The following SCMH1 variants were observed in gnomAD, a reference collection of about 807,000 sequenced individuals.
SCMH1 encodes the protein Scm polycomb group protein homolog 1, also known as polycomb protein SCMH1.
Under a neutral mutation model 70.8 loss-of-function variants are expected in SCMH1, and 37 were observed. That is an observed-to-expected ratio of 0.52 (90% confidence interval 0.40 to 0.69). SCMH1 has a LOEUF of 0.69. Ranked by LOEUF, SCMH1 falls within the 30% of genes least tolerant of loss-of-function variation. The pLI, the probability that SCMH1 is intolerant of heterozygous loss-of-function variation, is 0.00. For synonymous variants in SCMH1, 292 were observed against 307.4 expected (o/e 0.95, Z 0.52); for missense variants, 607 against 827.3 (o/e 0.73, Z 3.27).
rs528857157 is a variant in SCMH1 at position 41,120,019 on chromosome 1, G to A, written c.413-3009C>T. Among the ~76,000 whole-genome samples, 25 of 152,322 alleles carry A rather than the reference G, an allele frequency of 1.6e-4. No individual in the cohort carries two copies. The East Asian group carries it at 4.4e-3, about 27-fold the overall frequency. The stretch of plus-strand genomic sequence containing the variant: ...GCTGAAGCAAGCCAAACCCAGAGCA[G>A]CTTTGCCATGAGTGGTTTGGTACAC... On this transcript the variant is annotated intron_variant, in intron 6 of 14. Coordinates refer to ENST00000337495, the Ensembl canonical transcript of SCMH1.
At chr1:41,029,299 G>GC (rs1189593292) in intron 13 of SCMH1, among the ~76,000 whole-genome samples, 4 of 152,174 alleles carry the variant, frequency 2.6e-5, no homozygotes, top group African/African-American at 9.7e-5. Flanking sequence ...TGCAACTTCT[G>GC]CCTCCCAGGT....
intron 2 of SCMH1, among the ~76,000 whole-genome samples, chr1:41,176,323 G>A (rs993763225): frequency 1.3e-5 from 2 of 152,174 alleles, no homozygotes; most frequent in African/African-American, 4.8e-5. Flanking sequence ...CCCAGCATGA[G>A]CGACACAGAA....
upstream of SCMH1, chr1:41,242,219 A>C (rs1196619236): frequency 1.7e-5 from 1 of 58,602 alleles, no homozygotes; most frequent in South Asian, 5.7e-4. This position sits in a 1 kb window ranked among gnomAD's most constrained non-coding sequence, Gnocchi z 5.2. Context: ...GTGGCGGCTG[A>C]GGCGGGGGGC....
chr1:41,129,971 T>C (rs1352949605), intron 6 of SCMH1, among the ~76,000 whole-genome samples: 1 of 152,174 alleles, frequency 6.6e-6, no homozygotes, highest in Non-Finnish European at 1.5e-5. Context: ...TTCCCATTTC[T>C]CCACATCCTC....
chr1:41,069,428 CAG>C (rs1026013865), intron 10 of SCMH1, among the ~76,000 whole-genome samples: 6 of 152,246 alleles, frequency 3.9e-5, no homozygotes, highest in Admixed American at 1.3e-4. Context: ...TAGTAATTGA[CAG>C]GGGGATACGA....
intron 2 of SCMH1, among the ~76,000 whole-genome samples, chr1:41,171,735 A>G (rs1646795711): frequency 6.6e-6 from 1 of 152,194 alleles, no homozygotes; most frequent in Admixed American, 6.5e-5. Context: ...ACCAATAACA[A>G]GAGGAACTTT....
intron 10 of SCMH1, among the ~76,000 whole-genome samples, chr1:41,049,192 A>C (rs928841575): frequency 1.3e-5 from 2 of 152,062 alleles, no homozygotes; most frequent in African/African-American, 4.8e-5. Flanking sequence ...AAATCTAGAC[A>C]ATTCCCCTCT....
intron 1 of SCMH1, among the ~76,000 whole-genome samples, chr1:41,237,905 G>A (rs569770952): frequency 6.6e-6 from 1 of 152,228 alleles, no homozygotes; most frequent in East Asian, 1.9e-4. Context: ...AGCTAGCAGA[G>A]CATAAGCCCC....
chr1:41,214,368 A>G (rs1328732481), intron 1 of SCMH1, among the ~76,000 whole-genome samples: 2 of 152,148 alleles, frequency 1.3e-5, no homozygotes, highest in African/African-American at 4.8e-5. Flanking sequence ...TACAAAATAT[A>G]AATAACTTAA....
At chr1:41,053,511 G>A (rs1256761333) in intron 10 of SCMH1, among the ~76,000 whole-genome samples, 1 of 152,210 alleles carries the variant, frequency 6.6e-6, no homozygotes, top group African/African-American at 2.4e-5. Flanking sequence ...AGAACGAGCT[G>A]GTTGGCCATG....
At chr1:41,108,567 G>A (rs948395692) in intron 8 of SCMH1, among the ~76,000 whole-genome samples, 2 of 152,184 alleles carry the variant, frequency 1.3e-5, no homozygotes, top group Admixed American at 6.5e-5. Context: ...TTATAACCAA[G>A]TACTCTGGAT....
chr1:41,240,344 G>A, intron 1 of SCMH1, among the ~76,000 whole-genome samples: 1 of 152,190 alleles, frequency 6.6e-6, no homozygotes, highest in East Asian at 1.9e-4. Context: ...TCTCTACTGG[G>A]CTTAAAACAT....
chr1:41,235,237 T>C (rs937639925), intron 1 of SCMH1, among the ~76,000 whole-genome samples: 1 of 152,162 alleles, frequency 6.6e-6, no homozygotes, highest in Non-Finnish European at 1.5e-5. Context: ...CACCCTAATA[T>C]TAGTATTTCT....
At chr1:41,128,535 T>G (rs968352728) in intron 6 of SCMH1, among the ~76,000 whole-genome samples, 1 of 152,122 alleles carries the variant, frequency 6.6e-6, no homozygotes, top group Non-Finnish European at 1.5e-5. Flanking sequence ...TCATTCTTTG[T>G]TCTTCTATAT....
intron 1 of SCMH1, among the ~76,000 whole-genome samples, chr1:41,218,463 A>T (rs910352634): frequency 2.0e-5 from 3 of 152,142 alleles, no homozygotes; most frequent in Non-Finnish European, 4.4e-5. Flanking sequence ...GAGTAATACA[A>T]CTGCAAGCCC....
chr1:41,046,580 T>C, exon 12 of SCMH1: 1 of 1,614,126 alleles, frequency 6.2e-7, no homozygotes. Flanking sequence ...GAGGGTATGC[T>C]GTTCCCGGTC....
intron 2 of SCMH1, among the ~76,000 whole-genome samples, chr1:41,178,246 C>T (rs1287556507): frequency 6.6e-6 from 1 of 152,164 alleles, no homozygotes; most frequent in East Asian, 1.9e-4. Context: ...AAGCACTAAA[C>T]ACGGAAAGGA....
chr1:41,159,684 TA>T, intron 4 of SCMH1: 2 of 1,508,026 alleles, frequency 1.3e-6, no homozygotes, highest in Admixed American at 2.3e-5. Context: ...TAAAGAATAA[TA>T]AAAAATAACT....
intron 1 of SCMH1, among the ~76,000 whole-genome samples, chr1:41,190,108 A>C (rs1040001548): frequency 6.6e-6 from 1 of 152,248 alleles, no homozygotes; most frequent in African/African-American, 2.4e-5. Flanking sequence ...CATTCTTGCC[A>C]GTCCAAACAT....
Sources: allele counts gnomAD v4.1 joint callset (sites outside exome capture counted in the v4.1 genomes callset), GRCh38; gene constraint gnomAD v4.1.1; non-coding constraint Gnocchi (gnomAD v3.1); transcripts MANE v1.5; gene names NCBI Gene and HGNC (gene_info 2026-07-23, HGNC 2026-07-21).